Variants in ABCD2 observed in about 807,000 individuals in gnomAD.
The protein encoded by ABCD2 is ATP binding cassette subfamily D member 2, also known as ATP-binding cassette sub-family D member 2.
ABCD2 carries 36 observed loss-of-function variants against 70.9 expected under a neutral mutation model. The ratio of observed to expected loss-of-function variants is 0.51; its 90% CI spans 0.39 to 0.67. ABCD2 has a LOEUF of 0.67. Ranked by LOEUF, ABCD2 falls within the 30% of genes least tolerant of loss-of-function variation. ABCD2 has a pLI of 0.00. For missense variants in ABCD2, 729 were observed against 890.2 expected (o/e 0.82, Z 2.30); for synonymous variants, 304 against 306.9 (o/e 0.99, Z 0.10).
the ABCD2 span, among the ~76,000 whole-genome samples, chr12:39,543,871 C>T: frequency 2.5e-4 from 38 of 152,128 alleles, no homozygotes; most frequent in African/African-American, 8.7e-4. Flanking sequence ...GTTCAGTATC[C>T]TCTATCAGCT....
At chr12:39,554,358 T>C (rs749027790) in intron 9 of ABCD2, among the ~76,000 whole-genome samples, 13 of 152,170 alleles carry the variant, frequency 8.5e-5, no homozygotes, top group Admixed American at 5.2e-4. Context: ...ATATTCTGGA[T>C]GTATATTAAC....
At chr12:39,539,462 G>A in the ABCD2 span, 237 of 152,972 alleles carry the variant, frequency 1.5e-3, 1 homozygote, top group Middle Eastern at 6.8e-3. Flanking sequence ...TAGCCCTTTA[G>A]CTATAGTTTT....
intron 6 of ABCD2, among the ~76,000 whole-genome samples, chr12:39,592,682 A>G (rs963357992): frequency 2.0e-5 from 3 of 152,196 alleles, no homozygotes; most frequent in African/African-American, 7.2e-5. Flanking sequence ...TTCTGTGAGG[A>G]GCTCTGGATT....
In ABCD2 at chr12:39,578,748, A is replaced by T. The variant is rs553600593; in HGVS notation, c.1877+787T>A. On this transcript the variant is annotated intron_variant, in intron 8 of 9. Transcript: ENST00000308666. ...CTCAATCCATTGAAACCTACGCAGA[A>T]TGGTCCCTTTTTCCATTGGCTATGG... Among the ~76,000 whole-genome samples, 495 of 151,974 alleles carry T rather than the reference A, an allele frequency of 3.3e-3. 2 individuals carry two copies. Among genetic ancestry groups the T allele is most frequent in the South Asian group, 8.1e-3 (39 of 4,802 alleles).
intron 9 of ABCD2, among the ~76,000 whole-genome samples, chr12:39,569,040 T>G (rs4466883): frequency 0.21 from 31,503 of 152,124 alleles, 3,405 homozygotes; most frequent in East Asian, 0.4. Flanking sequence ...TGCCCCTACT[T>G]GGGGGTGCAT....
chr12:39,613,893 A>G (rs1032405536), intron 2 of ABCD2, among the ~76,000 whole-genome samples: 34 of 152,158 alleles, frequency 2.2e-4, no homozygotes, highest in Non-Finnish European at 4.4e-5. Context: ...AGTACAGCAA[A>G]TCTGCAATAG....
Position 39,604,468 on chromosome 12 carries a change from T to C in ABCD2, c.1405+294A>G, listed in dbSNP as rs142095447. On this transcript the variant is annotated intron_variant, in intron 4 of 9. Transcript: ENST00000308666. ...AAGAACAACATGACATTAGCTCGAA[T>C]TCTATTTGTTAGATGAATTTTAAAA... 7.6e-3 allele frequency among the ~76,000 whole-genome samples: 1,152 copies of C among 152,206 alleles called. 8 individuals are homozygous for C. Among genetic ancestry groups the C allele is most frequent in the Non-Finnish European group, 0.013 (859 of 67,908 alleles).
chr12:39,555,793 T>C (rs1157080916), intron 9 of ABCD2, among the ~76,000 whole-genome samples: 1 of 152,122 alleles, frequency 6.6e-6, no homozygotes, highest in Non-Finnish European at 1.5e-5. Context: ...CAATTTCTGG[T>C]CTGCATCACC....
At chr12:39,532,282 T>A in the ABCD2 span, among the ~76,000 whole-genome samples, 1 of 152,210 alleles carries the variant, frequency 6.6e-6, no homozygotes, top group Non-Finnish European at 1.5e-5. Context: ...AGACTCAGAA[T>A]AGTGGCAGGG....
intron 6 of ABCD2, among the ~76,000 whole-genome samples, chr12:39,591,954 G>C (rs959420045): frequency 6.6e-6 from 1 of 151,934 alleles, no homozygotes; most frequent in Admixed American, 6.6e-5. Context: ...TTTTATAAAT[G>C]AGCCCTTAGA....
At chr12:39,566,039 T>C (rs976113699) in intron 9 of ABCD2, among the ~76,000 whole-genome samples, 1 of 152,236 alleles carries the variant, frequency 6.6e-6, no homozygotes, top group Non-Finnish European at 1.5e-5. Context: ...GCCAGTGTTT[T>C]ATTGAGGATT....
intron 2 of ABCD2, among the ~76,000 whole-genome samples, chr12:39,614,193 G>A (rs970278928): frequency 1.3e-5 from 2 of 152,178 alleles, no homozygotes; most frequent in African/African-American, 2.4e-5. Context: ...AGAAAGCAAA[G>A]AAGCCAGCAT....
chr12:39,588,494 C>T (rs111876427), intron 6 of ABCD2, among the ~76,000 whole-genome samples: 7,900 of 152,120 alleles, frequency 0.052, 239 homozygotes, highest in Middle Eastern at 0.082. Flanking sequence ...CCGCCACAAA[C>T]GAAGGAATGC....
intron 8 of ABCD2, among the ~76,000 whole-genome samples, chr12:39,577,655 A>G (rs568703213): frequency 6.6e-5 from 10 of 152,320 alleles, no homozygotes; most frequent in South Asian, 2.1e-4. Flanking sequence ...AACTTTGAAT[A>G]TGAACCATAT....
At chr12:39,593,180 T>C (rs1941769283) in intron 6 of ABCD2, among the ~76,000 whole-genome samples, 1 of 152,282 alleles carries the variant, frequency 6.6e-6, no homozygotes, top group African/African-American at 2.4e-5. Flanking sequence ...AAAGAAGAAA[T>C]CTTAGATTTG....
chr12:39,588,502 T>G (rs1178077757), intron 6 of ABCD2, among the ~76,000 whole-genome samples: 16 of 152,200 alleles, frequency 1.1e-4, no homozygotes, highest in Non-Finnish European at 4.4e-5. Context: ...AACGAAGGAA[T>G]GCTTGGCACC....
the ABCD2 span, among the ~76,000 whole-genome samples, chr12:39,544,880 A>G: frequency 6.6e-6 from 1 of 152,208 alleles, no homozygotes; most frequent in Admixed American, 6.5e-5. Flanking sequence ...GTTTTACTAC[A>G]GTGTTTAAGT....
chr12:39,595,004 T>G (rs1460585508), intron 6 of ABCD2, among the ~76,000 whole-genome samples: 1 of 152,000 alleles, frequency 6.6e-6, no homozygotes, highest in Non-Finnish European at 1.5e-5. Context: ...AGGCAGAGGC[T>G]GCAGTGAGCC....
intron 6 of ABCD2, among the ~76,000 whole-genome samples, chr12:39,596,084 G>C (rs1941811074): frequency 6.6e-6 from 1 of 152,310 alleles, no homozygotes; most frequent in South Asian, 2.1e-4. Context: ...TCGTGTGTTA[G>C]AGGAGAGTAG....
Sources: gnomAD v4.1 joint callset for allele counts (sites outside exome capture counted in the v4.1 genomes callset) on GRCh38, gnomAD v4.1.1 for gene constraint, MANE v1.5 for transcripts, NCBI Gene and HGNC (gene_info 2026-07-23, HGNC 2026-07-21) for gene names.